KLHL1: variants seen among roughly 807,000 people sequenced by gnomAD.
KLHL1 encodes the protein kelch like family member 1.
KLHL1 carries 47 observed loss-of-function variants against 77.7 expected under a neutral mutation model. That is an observed-to-expected ratio of 0.60 (90% CI 0.48 to 0.77). The LOEUF (loss-of-function observed/expected upper bound fraction) is 0.77, where lower values mean the gene tolerates loss of function less well. Ranked by LOEUF, KLHL1 falls within the 30% of genes least tolerant of loss-of-function variation. The probability of loss-of-function intolerance (pLI) is 0.00; values close to 1 mark genes in which losing one functional copy is unlikely to be tolerated. For synonymous variants in KLHL1, 360 were observed against 325.2 expected (o/e 1.11, Z -1.15); for missense variants, 925 against 910.8 (o/e 1.02, Z -0.20).
At chr13:69,748,371 G>A (rs1392951586) in intron 7 of KLHL1, among the ~76,000 whole-genome samples, 1 of 151,994 alleles carries the variant, frequency 6.6e-6, no homozygotes, top group East Asian at 1.9e-4. Flanking sequence ...GGAGGTGAAA[G>A]GCACTTCTTA....
At chr13:69,722,061 T>C (rs569101310) in intron 8 of KLHL1, among the ~76,000 whole-genome samples, 32 of 152,130 alleles carry the variant, frequency 2.1e-4, no homozygotes, top group Middle Eastern at 3.4e-3. Context: ...TGTAACCAAA[T>C]GTATTTTGCA....
At chr13:69,776,494 G>T (rs1320862785) in intron 7 of KLHL1, among the ~76,000 whole-genome samples, 1 of 152,000 alleles carries the variant, frequency 6.6e-6, no homozygotes. Flanking sequence ...ATTCTCTTAG[G>T]TACCCTCTAG....
At chr13:69,908,999 T>G (rs926842601) in intron 4 of KLHL1, among the ~76,000 whole-genome samples, 19 of 149,760 alleles carry the variant, frequency 1.3e-4, no homozygotes, top group African/African-American at 4.6e-4. Flanking sequence ...CAAATTTAGT[T>G]CCTAAATATG....
rs17085356 is a variant in KLHL1, at chr13:69,766,028, G to A, written c.1640-25472C>T. On this transcript the variant is annotated intron_variant, in intron 7 of 10. Transcript: ENST00000377844. ...CTTCTTTGCTTTTGTAGATGATACC[G>A]AAATCTTCAGCAATCTCTATTACAT... 6.3e-3 allele frequency among the ~76,000 whole-genome samples: 966 copies of A among 152,262 alleles called. 9 individuals are homozygous for A. The highest frequency in any genetic ancestry group is 0.021 in the African/African-American group (874 of 41,552).
At chr13:69,815,076 G>T (rs1566284966) in intron 6 of KLHL1, among the ~76,000 whole-genome samples, 1 of 152,122 alleles carries the variant, frequency 6.6e-6, no homozygotes, top group African/African-American at 2.4e-5. Flanking sequence ...AGATTATGAA[G>T]AGAAGGGAAT....
intron 1 of KLHL1, among the ~76,000 whole-genome samples, chr13:70,034,980 A>G (rs61964238): frequency 6.6e-6 from 1 of 151,868 alleles, no homozygotes; most frequent in African/African-American, 2.4e-5. Context: ...AAATAAAGTG[A>G]TTTTTGTAGT....
At chr13:70,034,933 GAA>G (rs1269532408) in intron 1 of KLHL1, among the ~76,000 whole-genome samples, 3 of 152,056 alleles carry the variant, frequency 2.0e-5, no homozygotes, top group Non-Finnish European at 4.4e-5. Flanking sequence ...GAATTAAAAT[GAA>G]AAGAGTGTCC....
intron 4 of KLHL1, among the ~76,000 whole-genome samples, chr13:69,888,044 G>A (rs1881283254): frequency 6.6e-6 from 1 of 152,148 alleles, no homozygotes; most frequent in South Asian, 2.1e-4. Context: ...ATTGCTCACA[G>A]TTCTAGAGAC....
chr13:69,983,379 A>G (rs909150291), intron 1 of KLHL1, among the ~76,000 whole-genome samples: 3 of 152,052 alleles, frequency 2.0e-5, no homozygotes, highest in Non-Finnish European at 4.4e-5. Context: ...TATGGAAAAG[A>G]TCCCAAATAT....
chr13:69,840,636 C>A (rs1350014570), intron 5 of KLHL1, among the ~76,000 whole-genome samples: 1 of 151,526 alleles, frequency 6.6e-6, no homozygotes, highest in African/African-American at 2.4e-5. Flanking sequence ...TTGTTGTATA[C>A]TAATACCTTA....
chr13:69,857,257 C>T (rs2138144523), intron 5 of KLHL1, among the ~76,000 whole-genome samples: 1 of 152,138 alleles, frequency 6.6e-6, no homozygotes, highest in East Asian at 1.9e-4. Flanking sequence ...CAAACGTTTA[C>T]TTCTCTTCCA....
chr13:69,986,218 G>C (rs1331062826), intron 1 of KLHL1, among the ~76,000 whole-genome samples: 1 of 151,908 alleles, frequency 6.6e-6, no homozygotes, highest in Non-Finnish European at 1.5e-5. Flanking sequence ...TTGATCAATT[G>C]ATACAAAGTT....
intron 7 of KLHL1, among the ~76,000 whole-genome samples, chr13:69,793,165 A>C (rs1876944302): frequency 6.6e-6 from 1 of 152,096 alleles, no homozygotes; most frequent in Non-Finnish European, 1.5e-5. Flanking sequence ...TTTCTCCTAA[A>C]ACACTTAACT....
chr13:69,815,384 T>G (rs886364111), intron 6 of KLHL1, among the ~76,000 whole-genome samples: 2 of 152,160 alleles, frequency 1.3e-5, no homozygotes, highest in Non-Finnish European at 2.9e-5. Context: ...TAATAAAGAA[T>G]GAAATCACGT....
chr13:69,856,823 C>T (rs1318909014), intron 5 of KLHL1, among the ~76,000 whole-genome samples: 1 of 152,002 alleles, frequency 6.6e-6, no homozygotes, highest in African/African-American at 2.4e-5. Flanking sequence ...ATCAAATTTG[C>T]TACTTTCATT....
At position 69,719,456 on chromosome 13, in the gene KLHL1, G is replaced by C. The variant is rs756108438; in HGVS notation, c.1928C>G (p.Ala643Gly). 3.7e-6 allele frequency: 6 copies of C among 1,613,380 alleles called. No homozygotes were observed. Among genetic ancestry groups the C allele is most frequent in the Non-Finnish European group, 4.2e-6 (5 of 1,179,744 alleles). Reference sequence around the variant, plus strand: ...TGCATAAAGAAAACCGTCACATGTGGCCACTCCGACACCCCCTCTCCTCTT... The same window carrying C: ...TGCATAAAGAAAACCGTCACATGTGCCCACTCCGACACCCCCTCTCCTCTT... ...MCKRRGGVGV[A>G]TCDGFLYAVG... The change falls in exon 9 of 11, where the codon GCC becomes GGC. Residue 643 changes from alanine (A) to glycine (G), a missense_variant. Transcript: ENST00000377844.
chr13:70,022,672 G>A (rs111451452), intron 1 of KLHL1, among the ~76,000 whole-genome samples: 1 of 151,902 alleles, frequency 6.6e-6, no homozygotes, highest in Non-Finnish European at 1.5e-5. Context: ...GATTTCTTAT[G>A]TATGGAAATC....
chr13:69,900,300 A>G (rs1486768626), intron 4 of KLHL1, among the ~76,000 whole-genome samples: 1 of 152,210 alleles, frequency 6.6e-6, no homozygotes, highest in East Asian at 1.9e-4. Flanking sequence ...TGGTCTCACC[A>G]TATAGCTCAT....
chr13:69,911,057 G>T (rs1421045509), intron 4 of KLHL1, among the ~76,000 whole-genome samples: 1 of 151,922 alleles, frequency 6.6e-6, no homozygotes, highest in Non-Finnish European at 1.5e-5. Flanking sequence ...CAACCCAGAA[G>T]GTACACTAGA....
Sources: allele counts gnomAD v4.1 joint callset (sites outside exome capture counted in the v4.1 genomes callset), GRCh38; gene constraint gnomAD v4.1.1; transcripts MANE v1.5; gene names NCBI Gene and HGNC (gene_info 2026-07-23, HGNC 2026-07-21).